The following ZBED6 variants were observed in gnomAD, a reference collection of about 807,000 sequenced individuals.
The protein encoded by ZBED6 is zinc finger BED domain-containing protein 6.
Under a neutral mutation model 58.4 loss-of-function variants are expected in ZBED6, and 40 were observed. The observed-to-expected ratio is 0.68, with a 90% CI of 0.53 to 0.89. The LOEUF is 0.89. Among genes scored for constraint, ZBED6 ranks in the 40% least tolerant of loss-of-function variants. The probability of loss-of-function intolerance (pLI) is 0.00; values close to 1 mark genes in which losing one functional copy is unlikely to be tolerated. For missense variants in ZBED6, 1,057 were observed against 1,003.9 expected (o/e 1.05, Z -0.71); for synonymous variants, 439 against 350.6 (o/e 1.25, Z -2.82).
At chr1:203,846,699 AT>A (rs371508536) in intron 11 of ZBED6, among the ~76,000 whole-genome samples, 24 of 152,330 alleles carry the variant, frequency 1.6e-4, no homozygotes, top group African/African-American at 5.5e-4. Flanking sequence ...TTTTGTTAAG[AT>A]TTATAATGAC....
Position 203,848,202 on chromosome 1 carries a change from G to C in ZBED6, c.*4246-129G>C, listed in dbSNP as rs138329606. 411 of 789,812 alleles carry C rather than the reference G, an allele frequency of 5.2e-4. 3 individuals carry two copies. In the African/African-American group the frequency reaches 6.3e-3, roughly 12 times the overall value. 48.9% of individuals were successfully genotyped at this position (789,812 alleles called of 1,614,324 possible). A position where few individuals can be genotyped will look rare whatever the true frequency, so the allele number is the denominator to read the frequency against. On this transcript the variant is annotated intron_variant, in intron 12 of 16. Coordinates refer to ENST00000550078, the Ensembl canonical transcript of ZBED6. ...TGTATTTTGAGACTTTAGGAGCACA[G>C]ATGGGCTTTATCTGTAATTTTATTT...
intron 9 of ZBED6, among the ~76,000 whole-genome samples, chr1:203,834,711 A>G (rs1683670150): frequency 1.3e-5 from 2 of 150,414 alleles, no homozygotes; most frequent in Admixed American, 1.3e-4. Flanking sequence ...GTGCACTGGC[A>G]CAATCTCAGC....
chr1:203,810,088 TATA>T (rs1475145594), intron 1 of ZBED6, among the ~76,000 whole-genome samples: 1 of 151,748 alleles, frequency 6.6e-6, no homozygotes, highest in East Asian at 1.9e-4. Context: ...TAGTATTGAT[TATA>T]AAGTCATTGG....
intron 11 of ZBED6, among the ~76,000 whole-genome samples, chr1:203,846,028 G>GCAC (rs1687793812): frequency 6.8e-6 from 1 of 147,350 alleles, no homozygotes; most frequent in Admixed American, 7.0e-5. Flanking sequence ...TGTAATCCCA[G>GCAC]CACTTTGATT....
intron 1 of ZBED6, among the ~76,000 whole-genome samples, chr1:203,804,152 G>T (rs11240535): frequency 0.074 from 7,788 of 105,074 alleles, 695 homozygotes; most frequent in East Asian, 0.43. Flanking sequence ...CTGTATATGT[G>T]TTTTTTTTTT....
chr1:203,829,974 C>G, intron 6 of ZBED6, 78 bp downstream of exon 6: 1 of 1,424,316 alleles, frequency 7.0e-7, no homozygotes, highest in South Asian at 1.2e-5. Context: ...TCATTGACCT[C>G]CCTCTTCTTT....
chr1:203,843,885 T>A (rs1687162174), intron 11 of ZBED6, among the ~76,000 whole-genome samples: 1 of 152,100 alleles, frequency 6.6e-6, no homozygotes, highest in Non-Finnish European at 1.5e-5. Context: ...GAGATGGAGT[T>A]TCGCTCTTGT....
chr1:203,842,009 A>G (rs1390873598), intron 11 of ZBED6, among the ~76,000 whole-genome samples: 1 of 138,018 alleles, frequency 7.2e-6, no homozygotes, highest in South Asian at 2.4e-4. Flanking sequence ...ACGGGGCGGC[A>G]GGGCAGAGGC....
intron 3 of ZBED6, among the ~76,000 whole-genome samples, chr1:203,823,462 A>G (rs941999847): frequency 1.2e-4 from 19 of 152,348 alleles, no homozygotes; most frequent in African/African-American, 4.3e-4. Context: ...ATGTACCCAA[A>G]TTCCAGACTC....
intron 9 of ZBED6, among the ~76,000 whole-genome samples, chr1:203,834,365 G>A (rs1683503856): frequency 6.6e-6 from 1 of 152,106 alleles, no homozygotes; most frequent in South Asian, 2.1e-4. Context: ...TCCACCTCCT[G>A]GACTCAAGTG....
chr1:203,851,279 G>A (rs1021351326), intron 16 of ZBED6, among the ~76,000 whole-genome samples, 155 bp downstream of exon 16: 1 of 152,156 alleles, frequency 6.6e-6, no homozygotes, highest in Admixed American at 6.5e-5. Flanking sequence ...TAGGGTTGCT[G>A]TTCTTCTTTG....
intron 9 of ZBED6, 141 bp from the exon 10 acceptor site, chr1:203,837,825 C>T (rs972662943): frequency 1.3e-6 from 1 of 758,794 alleles, no homozygotes; most frequent in Admixed American, 3.1e-5. Flanking sequence ...ACATTGAACT[C>T]TAAGGAAGCT....
intron 3 of ZBED6, among the ~76,000 whole-genome samples, chr1:203,821,569 C>G (rs1678711470): frequency 6.6e-6 from 1 of 152,158 alleles, no homozygotes; most frequent in South Asian, 2.1e-4. Flanking sequence ...CTGTACTTTT[C>G]CTACTTCAGC....
chr1:203,841,578 C>T (rs2103264298), intron 11 of ZBED6, among the ~76,000 whole-genome samples: 1 of 152,350 alleles, frequency 6.6e-6, no homozygotes. Flanking sequence ...CAGTAACAAT[C>T]TGATCTCTCT....
chr1:203,796,560 G>T lies in ZBED6; in HGVS notation c.-963G>T. 1 of 398,528 alleles carries T rather than the reference G, an allele frequency of 2.5e-6. No homozygotes were observed. The highest frequency in any genetic ancestry group is 1.3e-4 in the South Asian group (1 of 7,644). 24.7% of individuals were successfully genotyped at this position (398,528 alleles called of 1,614,324 possible). ...CTTCCAGGCCTTGGTTCTGGACCTT[G>T]AGAAAGAGGCTGTGGAACTAGAGAT... On this transcript the variant is annotated 5_prime_UTR_variant, in exon 1 of 17. An upstream open reading frame in the 5' UTR gains an earlier in-frame stop. Transcript: ENST00000550078.
intron 11 of ZBED6, among the ~76,000 whole-genome samples, chr1:203,841,661 C>A (rs2103266444): frequency 6.6e-6 from 1 of 152,360 alleles, no homozygotes; most frequent in South Asian, 2.1e-4. Context: ...TCTCAATGAG[C>A]TGTTGGGTAC....
At chr1:203,852,976 G>A (rs1478952663) in exon 17 of ZBED6, 1 of 153,918 alleles carries the variant, frequency 6.5e-6, no homozygotes, top group African/African-American at 2.4e-5. Context: ...ATAACTCTTT[G>A]GACCTGATCT....
rs59254922 is a variant in ZBED6, at chr1:203,815,216, C to CTTTTTTTTTTTTTTTTTTTT, written c.*2555-1694_*2555-1693insTTTTTTTTTTTTTTTTTTTT. On this transcript the variant is annotated intron_variant, in intron 1 of 16. Transcript: ENST00000550078. ...TTCATTATTTTCTTCCTTTTCTTTT[C>CTTTTTTTTTTTTTTTTTTTT]TTTTTTTTTTTTTTTTGAGACAGTG... 4.1e-5 allele frequency among the ~76,000 whole-genome samples: 4 copies of CTTTTTTTTTTTTTTTTTTTT among 97,154 alleles called. 1 individual carries two copies. Among genetic ancestry groups the CTTTTTTTTTTTTTTTTTTTT allele is most frequent in the Non-Finnish European group, 5.8e-5 (3 of 51,642 alleles). 63.7% of individuals were successfully genotyped at this position (97,154 alleles called of 152,430 possible).
chr1:203,818,781 A>G, intron 3 of ZBED6, 92 bp downstream of exon 3: 1 of 1,583,704 alleles, frequency 6.3e-7, no homozygotes, highest in Non-Finnish European at 8.6e-7. Context: ...TTTAAAAAAT[A>G]TATTAAGGCT....
Sources: allele counts gnomAD v4.1 joint callset (sites outside exome capture counted in the v4.1 genomes callset), GRCh38; gene constraint gnomAD v4.1.1; transcripts MANE v1.5; gene names NCBI Gene and HGNC (gene_info 2026-07-23, HGNC 2026-07-21).